ANXA6: variants seen among roughly 807,000 people sequenced by gnomAD.
ANXA6 encodes the protein annexin A6.
ANXA6 carries 71 observed loss-of-function variants against 95.4 expected under a neutral mutation model. The ratio of observed to expected loss-of-function variants is 0.74; its 90% CI spans 0.61 to 0.91. The LOEUF is 0.91. Among genes scored for constraint, ANXA6 ranks in the 40% least tolerant of loss-of-function variants. ANXA6 has a pLI of 0.00. For missense variants in ANXA6, 830 were observed against 876.4 expected (o/e 0.95, Z 0.67); for synonymous variants, 289 against 315.9 (o/e 0.91, Z 0.90).
At position 151,124,387 on chromosome 5, in the gene ANXA6, A is replaced by G; in HGVS notation, c.1057-20T>C. On this transcript the variant is annotated intron_variant, in intron 14 of 25. Transcript: ENST00000354546. ...CTTCAGCTGTGAGAAGCAGAAAGAG[A>G]CTCAGCAGGTGTCTGAAGGCCCCCC... The G allele has an allele frequency of 6.3e-7, 1 of 1,599,994 alleles. No homozygotes were observed. The highest frequency in any genetic ancestry group is 2.3e-5 in the East Asian group (1 of 44,232).
rs567378406 is a variant in ANXA6, at chr5:151,138,746, G to T, written c.250C>A (p.Arg84=). 4 of 1,613,930 alleles carry T rather than the reference G, an allele frequency of 2.5e-6. No individual in the cohort carries two copies. The East Asian group carries it at 8.9e-5, about 36-fold the overall frequency. The part of the protein sequence containing the change: ...LKYELTGKFE[R]LIVGLMRPPA... The stretch of plus-strand genomic sequence containing the variant: ...GGCCTCATCAGGCCCACAATCAACC[G>T]TTCAAACTTGCCCGTCAATTCATAC... Residue 84 remains arginine, a synonymous_variant, in exon 5 of 26, where the codon CGG becomes AGG. Transcript: ENST00000354546.
chr5:151,147,812 C>A, intron 2 of ANXA6, 72 bp downstream of exon 2: 1 of 1,518,978 alleles, frequency 6.6e-7, no homozygotes, highest in Admixed American at 1.9e-5. Context: ...CTGTAGCAGG[C>A]CTAGTGGCTC....
chr5:151,147,081 GCA>G (rs1765993369), intron 2 of ANXA6, among the ~76,000 whole-genome samples: 1 of 152,136 alleles, frequency 6.6e-6, no homozygotes, highest in Non-Finnish European at 1.5e-5. Context: ...CCTCAACAGA[GCA>G]CAGTCGAGGT....
At position 151,134,453 on chromosome 5, in the gene ANXA6, C is replaced by T. The variant is rs983073869; in HGVS notation, c.520G>A (p.Glu174Lys). Residue 174 changes from glutamate to lysine, a missense_variant, in exon 8 of 26, where the codon GAG (glutamate) becomes AAG (lysine). Transcript: ENST00000354546. ...TGGACATCCTGTTGTACCAGGTCCTCGCTCACTACGTCATCCTCCTCCCTG... is the reference window on the plus strand; with the variant it reads ...TGGACATCCTGTTGTACCAGGTCCTTGCTCACTACGTCATCCTCCTCCCTG... ...GTREEDDVVS[E>K]DLVQQDVQDL... is the part of the protein sequence containing the mutation. 9.3e-6 allele frequency: 15 copies of T among 1,613,870 alleles called. No homozygotes were observed. The highest frequency in any genetic ancestry group is 2.2e-5 in the East Asian group (1 of 44,892).
intron 16 of ANXA6, 53 bp downstream of exon 16, chr5:151,122,864 A>C (rs1042577609): frequency 5.2e-6 from 8 of 1,535,712 alleles, no homozygotes; most frequent in Non-Finnish European, 7.2e-6. Flanking sequence ...GGCTGAGCTC[A>C]ATCAGGCAAG....
At chr5:151,131,725 T>G (rs1344531233) in intron 10 of ANXA6, among the ~76,000 whole-genome samples, 1 of 152,122 alleles carries the variant, frequency 6.6e-6, no homozygotes, top group Non-Finnish European at 1.5e-5. Context: ...GGGCAGGGGA[T>G]GGCTCTGGGA....
chr5:151,146,477 C>T (rs1369467643), intron 2 of ANXA6, among the ~76,000 whole-genome samples: 1 of 152,176 alleles, frequency 6.6e-6, no homozygotes, highest in Non-Finnish European at 1.5e-5. Context: ...TCTTCAGAAA[C>T]TGTGAATATC....
Position 151,129,395 on chromosome 5 carries a change from A to G in ANXA6, c.918+12T>C. ...CTTTGCTCCCTTCTCTGCCCCCATG[A>G]GCTCTGCTGACCTTGATCATGCTGT... On this transcript the variant is annotated intron_variant, in intron 12 of 25. Transcript: ENST00000354546. The G allele has an allele frequency of 6.2e-7, 1 of 1,613,024 alleles. No homozygotes were observed. Among genetic ancestry groups the G allele is most frequent in the Non-Finnish European group, 8.5e-7 (1 of 1,179,788 alleles).
intron 2 of ANXA6, among the ~76,000 whole-genome samples, chr5:151,146,147 A>G (rs1765970752): frequency 6.6e-6 from 1 of 152,250 alleles, no homozygotes; most frequent in African/African-American, 2.4e-5. Context: ...GGCAGAAGGC[A>G]TGGCCCAGGA....
At chr5:151,106,699 C>T (rs192916625) in intron 23 of ANXA6, among the ~76,000 whole-genome samples, 37 of 152,312 alleles carry the variant, frequency 2.4e-4, no homozygotes, top group African/African-American at 8.7e-4. Context: ...TCCATGCCCC[C>T]AGTCATGACA....
intron 1 of ANXA6, among the ~76,000 whole-genome samples, chr5:151,153,322 T>G (rs150148652): frequency 6.6e-6 from 1 of 152,326 alleles, no homozygotes; most frequent in African/African-American, 2.4e-5. Flanking sequence ...CCCTTAGAGA[T>G]TCTGACTCAA....
chr5:151,129,291 T>C (rs1765421510), intron 12 of ANXA6, 116 bp downstream of exon 12: 1 of 1,305,042 alleles, frequency 7.7e-7, no homozygotes, highest in South Asian at 1.5e-5. Flanking sequence ...GCTCCTGGAA[T>C]GTCCAAGAGA....
intron 15 of ANXA6, among the ~76,000 whole-genome samples, chr5:151,123,449 C>A (rs916643991): frequency 2.0e-5 from 3 of 152,194 alleles, no homozygotes; most frequent in Non-Finnish European, 4.4e-5. Context: ...CTCTTCAGCT[C>A]TCTGGAAGCT....
chr5:151,143,370 T>C lies in ANXA6; in HGVS notation c.19-3127A>G, dbSNP rs56336124. Among the ~76,000 whole-genome samples, 163 of 152,228 alleles carry C rather than the reference T, an allele frequency of 1.1e-3. 1 individual carries two copies. The highest frequency in any genetic ancestry group is 1.8e-3 in the Non-Finnish European group (124 of 68,014). On this transcript the variant is annotated intron_variant, in intron 2 of 25. Coordinates refer to ENST00000354546, the MANE Select transcript of ANXA6 (RefSeq NM_001155.5). ...GTTATTGCCCTGTGCTGTTTGCCTC[T>C]ATGCCATTTCGACCCTATATTCAAG...
In ANXA6 at chr5:151,105,275, GAA is replaced by G; in HGVS notation, c.1807_1808del (p.Phe603LeufsTer16). 1 of 1,613,988 alleles carries G rather than the reference GAA, an allele frequency of 6.2e-7. No individual in the cohort carries two copies. The highest frequency in any genetic ancestry group is 2.2e-5 in the East Asian group (1 of 44,884). On this transcript the variant is annotated frameshift_variant, in exon 24 of 26. Coordinates refer to ENST00000354546, the MANE Select transcript of ANXA6 (RefSeq NM_001155.5). LOFTEE classifies it high-confidence loss of function. ...TGGATTTGTAAAGTTTGTCGGCAAA[GAA>G]GAGAGGCTTGTTCTTGACACTTTGA... ...IVQSVKNKPL[F>X]FADKLYKSMK...
chr5:151,128,185 C>G lies in ANXA6; in HGVS notation c.973G>C (p.Asp325His). 3.1e-6 allele frequency: 5 copies of G among 1,612,232 alleles called. No homozygotes were observed. The highest frequency in any genetic ancestry group is 2.2e-5 in the East Asian group (1 of 44,836). Residue 325 changes from aspartate to histidine, a missense_variant, in exon 13 of 26, where the codon GAT (aspartate) becomes CAT (histidine). Physicochemically the swap from Asp to His is moderately conservative, Grantham distance 81. Transcript: ENST00000354546. ...AGGGGCCAAGAAGCCACTTACTCAT[C>G]ATCTCCCCCAGACAGCTTCAGCAGA... The part of the protein sequence containing the change: ...KTLLKLSGGD[D>H]DAAGQFFPEA...
At chr5:151,149,579 C>T (rs911345331) in intron 1 of ANXA6, among the ~76,000 whole-genome samples, 1 of 152,066 alleles carries the variant, frequency 6.6e-6, no homozygotes, top group Admixed American at 6.5e-5. Context: ...CTCCACCTCC[C>T]GGGTTCAAGC....
At chr5:151,139,294 A>G in intron 4 of ANXA6, 59 bp downstream of exon 4, 1 of 1,246,676 alleles carries the variant, frequency 8.0e-7, no homozygotes, top group Non-Finnish European at 1.1e-6. Context: ...ACGAGCACAC[A>G]GGTGAATGAA....
At position 151,101,432 on chromosome 5, in the gene ANXA6, C is replaced by T. The variant is rs777793320; in HGVS notation, c.*16G>A. ...ATAACCATTTCTTGGCAGAAGTGCC[C>T]GCCAAAGCTGTGGCCCTAGTCCTCA... On this transcript the variant is annotated 3_prime_UTR_variant, in exon 26 of 26. Coordinates refer to ENST00000354546, the MANE Select transcript of ANXA6 (RefSeq NM_001155.5). The T allele has an allele frequency of 9.7e-6, 15 of 1,553,924 alleles. No individual in the cohort carries two copies. Among genetic ancestry groups the T allele is most frequent in the East Asian group, 2.4e-5 (1 of 41,034 alleles).
Sources: gnomAD v4.1 joint callset for allele counts (sites outside exome capture counted in the v4.1 genomes callset) on GRCh38, gnomAD v4.1.1 for gene constraint, MANE v1.5 for transcripts, NCBI Gene and HGNC (gene_info 2026-07-23, HGNC 2026-07-21) for gene names.